CHRM3: variants seen among roughly 807,000 people sequenced by gnomAD.
The protein encoded by CHRM3 is muscarinic acetylcholine receptor M3.
A neutral mutation model predicts 41.8 loss-of-function variants in CHRM3; 11 were observed. The observed-to-expected ratio is 0.26, with a 90% CI of 0.17 to 0.44. The LOEUF (loss-of-function observed/expected upper bound fraction) is 0.44, where lower values mean the gene tolerates loss of function less well. CHRM3 is among the 20% of genes least tolerant of loss of function. The pLI, the probability that CHRM3 is intolerant of heterozygous loss-of-function variation, is 1.00. For missense variants in CHRM3, 571 were observed against 745.4 expected, an observed-to-expected ratio of 0.77 and a Z score of 2.72; for synonymous variants, 297 against 301.4, an observed-to-expected ratio of 0.99 and a Z score of 0.15.
At chr1:239,477,437 C>G (rs1182376103) in intron 1 of CHRM3, among the ~76,000 whole-genome samples, 3 of 152,172 alleles carry the variant, frequency 2.0e-5, no homozygotes, top group Non-Finnish European at 4.4e-5. Context: ...CCTGGCAAAG[C>G]AAAGACACTT....
intron 2 of CHRM3, among the ~76,000 whole-genome samples, chr1:239,521,527 A>G (rs1459572496): frequency 2.0e-5 from 3 of 152,224 alleles, no homozygotes; most frequent in Non-Finnish European, 4.4e-5. Context: ...GAATATAAAT[A>G]TGCAATTTTT....
intron 5 of CHRM3, among the ~76,000 whole-genome samples, chr1:239,782,008 G>A (rs1668540916): frequency 6.6e-6 from 1 of 151,956 alleles, no homozygotes; most frequent in African/African-American, 2.4e-5. Context: ...TGTTGGATTT[G>A]GTTTGCTAAT....
chr1:239,554,742 T>C (rs1288099292), intron 3 of CHRM3, among the ~76,000 whole-genome samples: 1 of 149,254 alleles, frequency 6.7e-6, no homozygotes, highest in African/African-American at 2.4e-5. Context: ...TTTTTTTTTT[T>C]TTTTTTAGAT....
chr1:239,678,388 C>CAATT (rs1306539319), intron 5 of CHRM3, 100 bp downstream of exon 5: 1 of 152,150 alleles, frequency 6.6e-6, no homozygotes, highest in Non-Finnish European at 1.5e-5. Flanking sequence ...CTGCTCTGAA[C>CAATT]AATTAAATTC....
intron 5 of CHRM3, among the ~76,000 whole-genome samples, chr1:239,804,217 G>A (rs540132214): frequency 6.6e-6 from 1 of 152,282 alleles, no homozygotes; most frequent in African/African-American, 2.4e-5. Context: ...CTGGAAGGTG[G>A]GAGCATATTA....
At chr1:239,408,813 G>T (rs1189222454) in intron 1 of CHRM3, among the ~76,000 whole-genome samples, 2 of 151,014 alleles carry the variant, frequency 1.3e-5, no homozygotes, top group African/African-American at 2.4e-5. Context: ...TCAGACATGG[G>T]GTCTCACTGT....
chr1:239,698,498 G>A (rs984962012), intron 5 of CHRM3, among the ~76,000 whole-genome samples: 1 of 152,120 alleles, frequency 6.6e-6, no homozygotes, highest in Non-Finnish European at 1.5e-5. Context: ...TCTACAAAGA[G>A]TGAAAGTGAA....
chr1:239,810,665 A>C lies in CHRM3; in HGVS notation c.-146-16587A>C, dbSNP rs537565947. 2.0e-5 allele frequency among the ~76,000 whole-genome samples: 3 copies of C among 152,392 alleles called. No homozygotes were observed. In the South Asian group the frequency reaches 6.2e-4, roughly 32 times the overall value. ...GAGTGACAAATGTTAAATTCAGAGT[A>C]ATTATAATTATTATCGGCATGTCCT... is the stretch of plus-strand genomic sequence containing the variant. On this transcript the variant is annotated intron_variant, in intron 5 of 6. Transcript: ENST00000676153.
intron 5 of CHRM3, among the ~76,000 whole-genome samples, chr1:239,824,087 T>G (rs1572407930): frequency 1.3e-5 from 2 of 152,244 alleles, no homozygotes; most frequent in East Asian, 3.9e-4. Context: ...CTGCCGGCGG[T>G]GCCCTCTGTC....
chr1:239,788,817 C>T (rs1288080368), intron 5 of CHRM3, among the ~76,000 whole-genome samples: 1 of 152,016 alleles, frequency 6.6e-6, no homozygotes, highest in Non-Finnish European at 1.5e-5. Context: ...GAGCGAAAGA[C>T]TGTAATATAC....
rs1170739322 is a variant in CHRM3 at position 239,914,680 on chromosome 1, G to A, written c.*5456G>A. 2.4e-5 allele frequency: 4 copies of A among 166,952 alleles called. No homozygotes were observed. Among genetic ancestry groups the A allele is most frequent in the African/African-American group, 4.8e-5 (2 of 41,392 alleles). 10.3% of individuals were successfully genotyped at this position (166,952 alleles called of 1,614,324 possible). ...ATAATTCTTTTGGAACAGGCTTCTC[G>A]GTTACTTGCCTTAGTAAAAGAAGTA... On this transcript the variant is annotated 3_prime_UTR_variant, in exon 7 of 7. Transcript: ENST00000676153.
intron 3 of CHRM3, among the ~76,000 whole-genome samples, chr1:239,608,452 C>A (rs530053138): frequency 1.3e-4 from 20 of 152,126 alleles, no homozygotes; most frequent in Non-Finnish European, 2.4e-4. Context: ...TGAGAAAATT[C>A]TTGTTTGCAA....
At chr1:239,622,364 C>T (rs6692141) in intron 3 of CHRM3, among the ~76,000 whole-genome samples, 3,448 of 152,218 alleles carry the variant, frequency 0.023, 140 homozygotes, top group African/African-American at 0.079. Flanking sequence ...AAAGCTATAG[C>T]TGCCATAGAT....
chr1:239,642,929 A>T (rs528951367), intron 4 of CHRM3, among the ~76,000 whole-genome samples: 1 of 152,238 alleles, frequency 6.6e-6, no homozygotes, highest in Non-Finnish European at 1.5e-5. Flanking sequence ...ATGGTGATGT[A>T]CAGATGGGTT....
chr1:239,527,290 C>T (rs1404073910), intron 2 of CHRM3, among the ~76,000 whole-genome samples: 1 of 152,108 alleles, frequency 6.6e-6, no homozygotes, highest in African/African-American at 2.4e-5. Flanking sequence ...AATGACAGAG[C>T]TGGAGGATTT....
At chr1:239,514,859 C>T (rs994418854) in intron 2 of CHRM3, among the ~76,000 whole-genome samples, 1 of 151,982 alleles carries the variant, frequency 6.6e-6, no homozygotes, top group Non-Finnish European at 1.5e-5. Context: ...AACTTGCAGA[C>T]AAGAGATACT....
chr1:239,723,300 A>G (rs1025031167), intron 5 of CHRM3, among the ~76,000 whole-genome samples: 1 of 152,002 alleles, frequency 6.6e-6, no homozygotes, highest in Admixed American at 6.6e-5. Flanking sequence ...AAATAAGGAA[A>G]AAAATAAATG....
At chr1:239,392,507 C>T (rs1390126713) in intron 1 of CHRM3, among the ~76,000 whole-genome samples, 1 of 152,168 alleles carries the variant, frequency 6.6e-6, no homozygotes, top group African/African-American at 2.4e-5. Context: ...GGAAGTGGTG[C>T]TAATGTAGAC....
intron 2 of CHRM3, among the ~76,000 whole-genome samples, chr1:239,522,548 G>T (rs557745631): frequency 2.7e-4 from 41 of 152,302 alleles, no homozygotes; most frequent in African/African-American, 9.4e-4. Flanking sequence ...ACCACCTTTT[G>T]GTGTGATTAT....
Sources: gnomAD v4.1 joint callset for allele counts (sites outside exome capture counted in the v4.1 genomes callset) on GRCh38, gnomAD v4.1.1 for gene constraint, MANE v1.5 for transcripts, NCBI Gene and HGNC (gene_info 2026-07-23, HGNC 2026-07-21) for gene names.